Variants in MBNL3 observed in about 807,000 individuals in gnomAD.
MBNL3 encodes the protein muscleblind-like protein 3.
A neutral mutation model predicts 24.5 loss-of-function variants in MBNL3; 6 were observed. That is an observed-to-expected ratio of 0.25 (90% CI 0.13 to 0.48). The LOEUF is 0.48. Ranked by LOEUF, MBNL3 falls within the 20% of genes least tolerant of loss-of-function variation. The pLI is 0.99. For synonymous variants in MBNL3, 100 were observed against 101.7 expected (o/e 0.98, Z 0.10); for missense variants, 230 against 293.5 (o/e 0.78, Z 1.58).
intron 5 of MBNL3, among the ~76,000 whole-genome samples, chrX:132,387,825 A>G (rs1007397404): frequency 8.9e-6 from 1 of 112,119 alleles, no homozygotes; most frequent in Non-Finnish European, 1.9e-5. Flanking sequence ...AGTTCTTGTA[A>G]GGTTTAATTC....
intron 1 of MBNL3, among the ~76,000 whole-genome samples, chrX:132,479,481 T>A (rs1402426833): frequency 8.9e-6 from 1 of 112,220 alleles, no homozygotes; most frequent in Non-Finnish European, 1.9e-5. Context: ...TTGAAATATA[T>A]ATTTTTTTGT....
At chrX:132,477,910 T>A (rs1361464271) in intron 1 of MBNL3, among the ~76,000 whole-genome samples, 1 of 112,071 alleles carries the variant, frequency 8.9e-6, no homozygotes, top group Admixed American at 9.5e-5. Flanking sequence ...AAAATTCATT[T>A]TAAAGTGTGC....
chrX:132,420,100 G>A (rs1943654100), intron 2 of MBNL3, among the ~76,000 whole-genome samples: 1 of 111,423 alleles, frequency 9.0e-6, no homozygotes, highest in South Asian at 3.8e-4. Context: ...TGGATTCCAA[G>A]GAATGGAATC....
At chrX:132,465,235 A>G (rs1946827975) in intron 1 of MBNL3, among the ~76,000 whole-genome samples, 1 of 111,807 alleles carries the variant, frequency 8.9e-6, no homozygotes, top group Non-Finnish European at 1.9e-5. Context: ...TCTAGGGCAC[A>G]TCTTGTAAGC....
At chrX:132,422,672 G>A (rs971774944) in intron 2 of MBNL3, among the ~76,000 whole-genome samples, 3 of 112,060 alleles carry the variant, frequency 2.7e-5, no homozygotes, top group Admixed American at 1.9e-4. Context: ...AAGTGGTGAG[G>A]AAGGAGGAGG....
intron 2 of MBNL3, among the ~76,000 whole-genome samples, chrX:132,438,987 C>G (rs1234418598): frequency 9.1e-6 from 1 of 109,994 alleles, no homozygotes; most frequent in African/African-American, 3.3e-5. Flanking sequence ...TGAAAGCTGA[C>G]AAGTCCCTCC....
At chrX:132,457,150 A>G (rs1946412533) in intron 1 of MBNL3, among the ~76,000 whole-genome samples, 1 of 111,853 alleles carries the variant, frequency 8.9e-6, no homozygotes, top group Non-Finnish European at 1.9e-5. Context: ...CTAACTTGTA[A>G]ATTTACTATA....
chrX:132,373,160 G>A lies in MBNL3; in HGVS notation c.*6506C>T, dbSNP rs1271460954. Reference sequence around the variant, plus strand: ...CCGTGGCTGTCAGCATGCACACCATGCCATCTATTCATGGGGTATCTTTTG... The same window carrying A: ...CCGTGGCTGTCAGCATGCACACCATACCATCTATTCATGGGGTATCTTTTG... On this transcript the variant is annotated 3_prime_UTR_variant, in exon 9 of 9. Transcript: ENST00000370853. 2 of 110,964 alleles carry A rather than the reference G, an allele frequency of 1.8e-5. No individual in the cohort carries two copies. Among genetic ancestry groups the A allele is most frequent in the Non-Finnish European group, 3.8e-5 (2 of 52,863 alleles). The allele number at this position is 110,964 out of a possible 1,213,427, so 9.1% of individuals were successfully genotyped here.
rs1300312413 is a variant in MBNL3 at position 132,471,347 on chromosome X, A to G, written c.-704+17504T>C. On this transcript the variant is annotated intron_variant, in intron 1 of 8. Transcript: ENST00000370853. ...TGATTTATTTTAGGTCAGTTATTACAAGGGAAAACACAAATGAAAAATTTT... is the reference window on the plus strand; with the variant it reads ...TGATTTATTTTAGGTCAGTTATTACGAGGGAAAACACAAATGAAAAATTTT... Among the ~76,000 whole-genome samples, 4 of 112,719 alleles carry G rather than the reference A, an allele frequency of 3.5e-5. No homozygotes were observed. The Admixed American group carries it at 3.7e-4, about 11-fold the overall frequency.
At chrX:132,436,783 T>C (rs1945139909) in intron 2 of MBNL3, among the ~76,000 whole-genome samples, 1 of 112,316 alleles carries the variant, frequency 8.9e-6, no homozygotes, top group South Asian at 3.6e-4. Flanking sequence ...CATGGAACTT[T>C]GTTTAATGTG....
intron 8 of MBNL3, among the ~76,000 whole-genome samples, chrX:132,380,428 C>T (rs375178416): frequency 9.0e-6 from 1 of 111,731 alleles, no homozygotes; most frequent in African/African-American, 3.3e-5. Flanking sequence ...CTTCAGTTAT[C>T]CCATGTGCTC....
At chrX:132,437,711 A>G (rs1298148753) in intron 2 of MBNL3, among the ~76,000 whole-genome samples, 1 of 111,511 alleles carries the variant, frequency 9.0e-6, no homozygotes, top group Non-Finnish European at 1.9e-5. Flanking sequence ...TTTTTCCCCC[A>G]ACTAACTCAG....
intron 1 of MBNL3, among the ~76,000 whole-genome samples, chrX:132,478,377 A>G (rs1947555898): frequency 8.9e-6 from 1 of 111,920 alleles, no homozygotes. Context: ...GCAATATCTT[A>G]CTGTTCAGTT....
intron 1 of MBNL3, among the ~76,000 whole-genome samples, chrX:132,487,558 G>T (rs892908963): frequency 1.8e-5 from 2 of 112,239 alleles, no homozygotes; most frequent in South Asian, 7.3e-4. Context: ...GTAGCAGAGC[G>T]TCTGCCAACC....
intron 1 of MBNL3, among the ~76,000 whole-genome samples, chrX:132,462,047 C>G (rs1182269317): frequency 3.6e-5 from 4 of 111,595 alleles, no homozygotes; most frequent in African/African-American, 1.3e-4. Flanking sequence ...AGGCCAACTC[C>G]CTCATTTTTC....
intron 5 of MBNL3, among the ~76,000 whole-genome samples, chrX:132,390,278 A>C (rs1387327612): frequency 3.8e-5 from 4 of 104,529 alleles, no homozygotes; most frequent in East Asian, 6.0e-4. Flanking sequence ...AAAAAAAAAA[A>C]AAAAAAAAAA....
intron 1 of MBNL3, among the ~76,000 whole-genome samples, chrX:132,472,426 A>G (rs1167047558): frequency 8.9e-6 from 1 of 112,114 alleles, no homozygotes; most frequent in East Asian, 2.8e-4. Context: ...AGGCTTCTCT[A>G]TCTTTGAATA....
intron 1 of MBNL3, among the ~76,000 whole-genome samples, chrX:132,477,740 G>C (rs1325020000): frequency 9.0e-6 from 1 of 111,721 alleles, no homozygotes; most frequent in Non-Finnish European, 1.9e-5. Context: ...TCATGTGAGT[G>C]AATCTTATGT....
At chrX:132,460,345 G>T (rs903842493) in intron 1 of MBNL3, among the ~76,000 whole-genome samples, 1 of 111,512 alleles carries the variant, frequency 9.0e-6, no homozygotes, top group Non-Finnish European at 1.9e-5. Flanking sequence ...TTTTTGAAAC[G>T]TGTAACAGTT....
Sources: allele counts gnomAD v4.1 joint callset (sites outside exome capture counted in the v4.1 genomes callset), GRCh38; gene constraint gnomAD v4.1.1; transcripts MANE v1.5; gene names NCBI Gene and HGNC (gene_info 2026-07-23, HGNC 2026-07-21).